The following MAP2 variants were observed in gnomAD, a reference collection of about 807,000 sequenced individuals.
The protein encoded by MAP2 is microtubule associated protein 2.
MAP2 carries 14 observed loss-of-function variants against 137.6 expected under a neutral mutation model. That is an observed-to-expected ratio of 0.10 (90% CI 0.07 to 0.16). The LOEUF (loss-of-function observed/expected upper bound fraction) is 0.16. Ranked by LOEUF, MAP2 falls within the 10% of genes least tolerant of loss-of-function variation. The probability of loss-of-function intolerance (pLI) is 1.00; values close to 1 mark genes in which losing one functional copy is unlikely to be tolerated. For synonymous variants in MAP2, 786 were observed against 782.3 expected (o/e 1.00, Z -0.08); for missense variants, 2,088 against 2,191.5 (o/e 0.95, Z 0.94).
chr2:209,558,967 G>A (rs75207260), intron 2 of MAP2, among the ~76,000 whole-genome samples: 2,991 of 152,098 alleles, frequency 0.02, 95 homozygotes, highest in African/African-American at 0.068. Context: ...CCTCTGTAAT[G>A]AAGAAGGAAT....
intron 1 of MAP2, among the ~76,000 whole-genome samples, chr2:209,485,765 C>A (rs2058303084): frequency 6.6e-6 from 1 of 152,220 alleles, no homozygotes; most frequent in Non-Finnish European, 1.5e-5. Context: ...TTTTTGTGCA[C>A]ATTCAAAATT....
chr2:209,648,684 G>C (rs1319917160), intron 4 of MAP2, among the ~76,000 whole-genome samples: 1 of 149,544 alleles, frequency 6.7e-6, no homozygotes, highest in Non-Finnish European at 1.5e-5. Context: ...AGCTACTCAG[G>C]AGGCTGAGGC....
chr2:209,591,272 T>C (rs1489081737), intron 3 of MAP2, among the ~76,000 whole-genome samples: 1 of 152,162 alleles, frequency 6.6e-6, no homozygotes, highest in Non-Finnish European at 1.5e-5. Context: ...ACATTTTGGA[T>C]TGTCACCACT....
At chr2:209,528,060 A>G (rs1218478885) in intron 2 of MAP2, among the ~76,000 whole-genome samples, 1 of 152,140 alleles carries the variant, frequency 6.6e-6, no homozygotes. Context: ...GGCATAGATT[A>G]TATGTCCCTG....
At chr2:209,541,446 G>T (rs1671793488) in intron 2 of MAP2, among the ~76,000 whole-genome samples, 2 of 151,138 alleles carry the variant, frequency 1.3e-5, no homozygotes, top group Admixed American at 6.6e-5. Context: ...GGTTGACTGT[G>T]GCAGTTTCTT....
intron 3 of MAP2, among the ~76,000 whole-genome samples, chr2:209,622,529 T>C (rs1250633360): frequency 6.6e-6 from 1 of 152,230 alleles, no homozygotes; most frequent in African/African-American, 2.4e-5. Flanking sequence ...AGTGCTTGGA[T>C]CATTGTCTAG....
chr2:209,652,389 A>T (rs1036434743), intron 4 of MAP2, among the ~76,000 whole-genome samples: 2 of 152,240 alleles, frequency 1.3e-5, no homozygotes, highest in Admixed American at 6.5e-5. Flanking sequence ...TAAGATTTAC[A>T]TTAATAGAAA....
At chr2:209,583,848 G>A (rs2077081398) in intron 3 of MAP2, among the ~76,000 whole-genome samples, 1 of 151,544 alleles carries the variant, frequency 6.6e-6, no homozygotes, top group African/African-American at 2.4e-5. Context: ...ATGATGCTGA[G>A]GTTTGGGGTA....
intron 3 of MAP2, among the ~76,000 whole-genome samples, chr2:209,586,249 G>T (rs1186353859): frequency 2.6e-5 from 4 of 152,102 alleles, no homozygotes; most frequent in Non-Finnish European, 5.9e-5. Context: ...GGGGCAGGTA[G>T]AGAGGGGTGC....
intron 2 of MAP2, among the ~76,000 whole-genome samples, chr2:209,573,813 A>G (rs975381815): frequency 1.3e-5 from 2 of 152,182 alleles, no homozygotes; most frequent in African/African-American, 2.4e-5. Flanking sequence ...TCTGGCAGCC[A>G]TTAATATACT....
chr2:209,556,634 C>T lies in MAP2; in HGVS notation c.-171-23402C>T, dbSNP rs904523590. Among the ~76,000 whole-genome samples, 9 of 139,658 alleles carry T rather than the reference C, an allele frequency of 6.4e-5. 1 individual carries two copies. In the Admixed American group the frequency reaches 6.7e-4, roughly 10 times the overall value. The allele number at this position is 139,658 out of a possible 152,430, so 91.6% of individuals were successfully genotyped here. A position where few individuals can be genotyped will look rare whatever the true frequency, so the allele number is the denominator to read the frequency against. On this transcript the variant is annotated intron_variant, in intron 2 of 15. Coordinates refer to ENST00000682079, the MANE Select transcript of MAP2 (RefSeq NM_001375505.1). Reference sequence around the variant, plus strand: ...ACACCTCCACCCTTGCATACACGCACACATACTGGCAACATAATCTGGCCT... The same window carrying T: ...ACACCTCCACCCTTGCATACACGCATACATACTGGCAACATAATCTGGCCT...
chr2:209,690,985 A>C lies in MAP2; in HGVS notation c.455-1640A>C, dbSNP rs546511154. ...ATAACAAGTCCACTGTTGTAGGCTT[A>C]ATGTGCAGAGAGTGTGGCTTGCGCA... On this transcript the variant is annotated intron_variant, in intron 7 of 15. Coordinates refer to ENST00000682079, the MANE Select transcript of MAP2 (RefSeq NM_001375505.1). 5.9e-6 allele frequency: 5 copies of C among 845,262 alleles called. No homozygotes were observed. The South Asian group carries it at 8.9e-5, about 15-fold the overall frequency. The allele number at this position is 845,262 out of a possible 1,614,324, so 52.4% of individuals were successfully genotyped here.
At position 209,457,750 on chromosome 2, in the gene MAP2, G is replaced by A. The variant is rs61514895; in HGVS notation, c.-222+33474G>A. ...GGGAGGATACATGAGAAGCGTTCTA[G>A]AGATAGGGACATGGAGATGGGGGAT... On this transcript the variant is annotated intron_variant, in intron 1 of 15. Coordinates refer to ENST00000682079, the MANE Select transcript of MAP2 (RefSeq NM_001375505.1). 3.1e-3 allele frequency among the ~76,000 whole-genome samples: 470 copies of A among 152,320 alleles called. 14 individuals carry two copies. The East Asian group carries it at 0.072, about 23-fold the overall frequency.
chr2:209,561,976 T>C (rs1038058263), intron 2 of MAP2, among the ~76,000 whole-genome samples: 2 of 152,158 alleles, frequency 1.3e-5, no homozygotes, highest in African/African-American at 4.8e-5. Context: ...CTGACCATTA[T>C]ATAAACAAGG....
chr2:209,595,419 C>T (rs2080980709), intron 3 of MAP2, among the ~76,000 whole-genome samples: 2 of 152,156 alleles, frequency 1.3e-5, no homozygotes, highest in Admixed American at 6.6e-5. Flanking sequence ...TACTATCTCA[C>T]ACCAGTTAGA....
intron 1 of MAP2, among the ~76,000 whole-genome samples, chr2:209,460,601 T>A (rs957131223): frequency 2.0e-5 from 3 of 151,698 alleles, no homozygotes; most frequent in Admixed American, 6.6e-5. Flanking sequence ...CCTTCCTTCC[T>A]TCCTTCCTTC....
chr2:209,515,676 G>T (rs572409007), intron 2 of MAP2, among the ~76,000 whole-genome samples: 1 of 152,184 alleles, frequency 6.6e-6, no homozygotes, highest in East Asian at 1.9e-4. Flanking sequence ...AGATTTGGGT[G>T]GGGACACAGA....
chr2:209,649,977 T>C (rs935596969), intron 4 of MAP2, among the ~76,000 whole-genome samples: 10 of 152,228 alleles, frequency 6.6e-5, no homozygotes, highest in Non-Finnish European at 1.3e-4. Context: ...GTCTGTCCTC[T>C]TGAAAACAAA....
chr2:209,517,657 A>G (rs906362750), intron 2 of MAP2, among the ~76,000 whole-genome samples: 5 of 152,046 alleles, frequency 3.3e-5, no homozygotes, highest in Non-Finnish European at 7.4e-5. Flanking sequence ...ATAGCCATAA[A>G]TGGTATCCCA....
Sources: allele counts gnomAD v4.1 joint callset (sites outside exome capture counted in the v4.1 genomes callset), GRCh38; gene constraint gnomAD v4.1.1; transcripts MANE v1.5; gene names NCBI Gene and HGNC (gene_info 2026-07-23, HGNC 2026-07-21).